The following DGKI variants were observed in gnomAD, a reference collection of about 807,000 sequenced individuals.
DGKI encodes diacylglycerol kinase iota.
In DGKI, 55 loss-of-function variants were observed where a neutral mutation model predicts 147.5. The observed-to-expected ratio is 0.37, with a 90% confidence interval of 0.30 to 0.47. The LOEUF (loss-of-function observed/expected upper bound fraction) is 0.47. DGKI is among the 20% of genes least tolerant of loss of function. The pLI is 1.00. For missense variants in DGKI, 1,007 were observed against 1,323.8 expected (o/e 0.76, Z 3.71); for synonymous variants, 469 against 477.1 (o/e 0.98, Z 0.22).
rs1798711644 is a variant in DGKI at position 137,846,142 on chromosome 7, C to CTCTCTCTT, written c.401+319_401+320insAAGAGAGA. 1.5e-5 allele frequency among the ~76,000 whole-genome samples: 2 copies of CTCTCTCTT among 133,600 alleles called. No individual in the cohort carries two copies. The highest frequency in any genetic ancestry group is 3.2e-5 in the African/African-American group (1 of 31,340). The allele number at this position is 133,600 out of a possible 152,430, so 87.6% of individuals were successfully genotyped here. On this transcript the variant is annotated intron_variant, in intron 1 of 32. Transcript: ENST00000614521. This position sits in a 1 kb window ranked among gnomAD's most constrained non-coding sequence, Gnocchi z 4.0. ...CCTTTCTCTCTCTCTCTTTCTCTCT[C>CTCTCTCTT]TCTCTCTCTCTCTCTCTCTCACACA...
chr7:137,840,385 G>A (rs1261305027), intron 1 of DGKI, among the ~76,000 whole-genome samples: 5 of 152,228 alleles, frequency 3.3e-5, no homozygotes, highest in African/African-American at 1.2e-4. Flanking sequence ...AGGACTCCAG[G>A]AATGCTGGGT....
chr7:137,441,415 C>T (rs148162897), intron 28 of DGKI, among the ~76,000 whole-genome samples: 45,191 of 129,650 alleles, frequency 0.35, 8,345 homozygotes, highest in East Asian at 0.64. Context: ...AGTGAGACTC[C>T]GTCTCAAAAA....
Position 137,383,268 on chromosome 7 carries a change from T to C in DGKI, c.*7952A>G, listed in dbSNP as rs1811102025. ...CAAATCTCCTAAATTGGCTAACAAT[T>C]GGCAAAAATGCTAGCCAATTCCCAA... is the stretch of plus-strand genomic sequence containing the variant. On this transcript the variant is annotated 3_prime_UTR_variant, in exon 33 of 33. Transcript: ENST00000614521. The C allele has an allele frequency of 6.6e-6, 1 of 150,664 alleles. No homozygotes were observed. The highest frequency in any genetic ancestry group is 6.6e-5 in the Admixed American group (1 of 15,046). 9.3% of individuals were successfully genotyped at this position (150,664 alleles called of 1,614,324 possible).
At chr7:137,394,747 G>C (rs1811486063) in intron 32 of DGKI, among the ~76,000 whole-genome samples, 1 of 152,134 alleles carries the variant, frequency 6.6e-6, no homozygotes, top group Admixed American at 6.5e-5. Context: ...TTTTGCTGTG[G>C]AGAAACCAAC....
intron 6 of DGKI, among the ~76,000 whole-genome samples, chr7:137,634,107 AT>A (rs1360779163): frequency 1.3e-5 from 2 of 152,204 alleles, no homozygotes; most frequent in Non-Finnish European, 2.9e-5. Flanking sequence ...AGAAAAAATT[AT>A]TGCATTTCAT....
intron 28 of DGKI, among the ~76,000 whole-genome samples, chr7:137,413,945 G>A (rs1052601756): frequency 5.3e-5 from 8 of 152,132 alleles, no homozygotes; most frequent in African/African-American, 1.9e-4. Flanking sequence ...ACCAACATCT[G>A]TTATTTTTTG....
chr7:137,397,998 C>A (rs1811614504), intron 30 of DGKI, among the ~76,000 whole-genome samples: 1 of 152,118 alleles, frequency 6.6e-6, no homozygotes, highest in Admixed American at 6.6e-5. Flanking sequence ...ATGAATTAAT[C>A]CATTCAATCT....
chr7:137,500,288 G>T (rs1335557124), intron 21 of DGKI, among the ~76,000 whole-genome samples: 1 of 152,094 alleles, frequency 6.6e-6, no homozygotes, highest in Non-Finnish European at 1.5e-5. Context: ...AATCCAGACT[G>T]TGATTAAATT....
intron 21 of DGKI, among the ~76,000 whole-genome samples, chr7:137,502,403 A>T (rs1339586952): frequency 6.6e-6 from 1 of 152,142 alleles, no homozygotes; most frequent in African/African-American, 2.4e-5. Flanking sequence ...GTGTCATATG[A>T]TAAATTTAGG....
chr7:137,573,359 G>A (rs181665975), intron 17 of DGKI, among the ~76,000 whole-genome samples: 21 of 152,214 alleles, frequency 1.4e-4, no homozygotes, highest in African/African-American at 1.7e-4. Context: ...TCTATGTACC[G>A]CAAACTTTTG....
At chr7:137,796,833 C>A (rs1473167535) in intron 1 of DGKI, among the ~76,000 whole-genome samples, 1 of 151,976 alleles carries the variant, frequency 6.6e-6, no homozygotes, top group Admixed American at 6.6e-5. Context: ...AGCCAGCATA[C>A]CAACATACAT....
chr7:137,563,395 T>C (rs1214805373), intron 19 of DGKI, among the ~76,000 whole-genome samples: 1 of 151,738 alleles, frequency 6.6e-6, no homozygotes. Flanking sequence ...TTAGTGAACA[T>C]CCAAGAAAAA....
intron 1 of DGKI, among the ~76,000 whole-genome samples, chr7:137,785,624 T>A (rs1051725751): frequency 6.6e-6 from 1 of 152,096 alleles, no homozygotes; most frequent in Non-Finnish European, 1.5e-5. Flanking sequence ...AATCATTTTA[T>A]GAAGCCAGTA....
At chr7:137,704,330 A>G (rs1478518796) in intron 1 of DGKI, among the ~76,000 whole-genome samples, 1 of 152,228 alleles carries the variant, frequency 6.6e-6, no homozygotes, top group Non-Finnish European at 1.5e-5. Context: ...ATTGAAAAGG[A>G]GCCAAATAGA....
intron 10 of DGKI, among the ~76,000 whole-genome samples, chr7:137,600,528 G>T (rs938694834): frequency 7.9e-5 from 12 of 152,040 alleles, no homozygotes; most frequent in Non-Finnish European, 1.8e-4. Context: ...ACATCACAGT[G>T]TTTAAAATGC....
At chr7:137,467,184 C>A (rs1814693495) in intron 24 of DGKI, among the ~76,000 whole-genome samples, 1 of 152,186 alleles carries the variant, frequency 6.6e-6, no homozygotes, top group African/African-American at 2.4e-5. Flanking sequence ...TTTAAAGAAC[C>A]AGCTCAAGTG....
At chr7:137,719,021 G>A (rs115144838) in intron 1 of DGKI, among the ~76,000 whole-genome samples, 2,528 of 152,256 alleles carry the variant, frequency 0.017, 69 homozygotes, top group African/African-American at 0.058. Flanking sequence ...TAATGTCTTG[G>A]AGAACTAGAT....
chr7:137,618,151 A>ATTTTTTTTTTTTTTTTTTTTTTTTTT, intron 8 of DGKI, among the ~76,000 whole-genome samples: 1 of 10,466 alleles, frequency 9.6e-5, no homozygotes, highest in African/African-American at 1.2e-4. Flanking sequence ...ATATATATAT[A>ATTTTTTTTTTTTTTTTTTTTTTTTTT]TTTTTTTTTT....
At chr7:137,736,787 T>C (rs1795035796) in intron 1 of DGKI, among the ~76,000 whole-genome samples, 2 of 152,084 alleles carry the variant, frequency 1.3e-5, no homozygotes, top group African/African-American at 4.8e-5. Context: ...AAAATAGATT[T>C]TGTCAATCAA....
Sources: allele counts gnomAD v4.1 joint callset (sites outside exome capture counted in the v4.1 genomes callset), GRCh38; gene constraint gnomAD v4.1.1; non-coding constraint Gnocchi (gnomAD v3.1); transcripts MANE v1.5; gene names NCBI Gene and HGNC (gene_info 2026-07-23, HGNC 2026-07-21).